The following CADM2 variants were observed in gnomAD, a reference collection of about 807,000 sequenced individuals.
CADM2 encodes immunoglobulin superfamily member 4D.
Under a neutral mutation model 49.8 loss-of-function variants are expected in CADM2, and 12 were observed. The observed-to-expected ratio is 0.24, with a 90% CI of 0.15 to 0.39. The LOEUF (loss-of-function observed/expected upper bound fraction) is 0.39, where lower values mean the gene tolerates loss of function less well. Ranked by LOEUF, CADM2 falls within the 10% of genes least tolerant of loss-of-function variation. The probability of loss-of-function intolerance (pLI) is 1.00; values close to 1 mark genes in which losing one functional copy is unlikely to be tolerated. For synonymous variants in CADM2, 214 were observed against 175.4 expected, an observed-to-expected ratio of 1.22 and a Z score of -1.74; for missense variants, 378 against 492.3, an observed-to-expected ratio of 0.77 and a Z score of 2.20.
intron 1 of CADM2, among the ~76,000 whole-genome samples, chr3:85,461,664 T>C (rs1335495172): frequency 1.4e-5 from 2 of 146,220 alleles, no homozygotes; most frequent in Non-Finnish European, 3.1e-5. Flanking sequence ...GGCTTTATGA[T>C]AACCTTTCAT....
chr3:85,269,687 T>C (rs528095928), intron 1 of CADM2, among the ~76,000 whole-genome samples: 2 of 151,394 alleles, frequency 1.3e-5, no homozygotes, highest in African/African-American at 4.8e-5. Flanking sequence ...CACTATGTTC[T>C]ATGTGACAGA....
At chr3:85,537,193 T>G (rs2107004229) in intron 1 of CADM2, among the ~76,000 whole-genome samples, 1 of 152,256 alleles carries the variant, frequency 6.6e-6, no homozygotes, top group South Asian at 2.1e-4. Context: ...GCATGTGTTT[T>G]AACTTAAGCA....
intron 1 of CADM2, among the ~76,000 whole-genome samples, chr3:85,582,054 T>C (rs2062815474): frequency 6.6e-6 from 1 of 152,020 alleles, no homozygotes; most frequent in African/African-American, 2.4e-5. Flanking sequence ...AGTCACCCAA[T>C]AGCTGGTACT....
chr3:85,961,124 G>A (rs1411068608), intron 7 of CADM2, among the ~76,000 whole-genome samples: 2 of 149,600 alleles, frequency 1.3e-5, no homozygotes, highest in African/African-American at 4.9e-5. Context: ...AGGAAGATTT[G>A]CCCCAATAGC....
chr3:85,530,365 C>G (rs1214257538), intron 1 of CADM2, among the ~76,000 whole-genome samples: 2 of 132,836 alleles, frequency 1.5e-5, no homozygotes, highest in East Asian at 4.3e-4. Context: ...GAGTCTCACT[C>G]TGTCGCCCAG....
intron 1 of CADM2, among the ~76,000 whole-genome samples, chr3:85,335,564 T>C (rs900036364): frequency 2.0e-5 from 3 of 151,610 alleles, no homozygotes; most frequent in African/African-American, 7.2e-5. Flanking sequence ...CACTTTTTTT[T>C]TTGTTGAGGA....
intron 2 of CADM2, among the ~76,000 whole-genome samples, chr3:85,773,744 G>C (rs1484313123): frequency 6.6e-6 from 1 of 151,890 alleles, no homozygotes; most frequent in Non-Finnish European, 1.5e-5. Flanking sequence ...TTTAAGTTCC[G>C]TGAGTGCTGG....
chr3:85,468,780 A>C (rs1435857230), intron 1 of CADM2, among the ~76,000 whole-genome samples: 1 of 152,138 alleles, frequency 6.6e-6, no homozygotes, highest in African/African-American at 2.4e-5. Flanking sequence ...AGAGTAAGGA[A>C]GTAATTCTGG....
chr3:85,146,770 T>G (rs1380483791), intron 1 of CADM2, among the ~76,000 whole-genome samples: 1 of 152,188 alleles, frequency 6.6e-6, no homozygotes, highest in Non-Finnish European at 1.5e-5. Flanking sequence ...AATAAGTGAA[T>G]TTAATGCATT....
chr3:85,714,689 C>G (rs2067228125), intron 1 of CADM2, among the ~76,000 whole-genome samples: 1 of 152,124 alleles, frequency 6.6e-6, no homozygotes, highest in East Asian at 1.9e-4. Flanking sequence ...CTCAGCCTCC[C>G]AAAGTGCTGG....
chr3:85,471,462 G>C (rs2038760523), intron 1 of CADM2, among the ~76,000 whole-genome samples: 2 of 152,094 alleles, frequency 1.3e-5, no homozygotes, highest in South Asian at 4.1e-4. Flanking sequence ...TGAAAAGACA[G>C]AGAAAACCAA....
chr3:85,785,080 A>T (rs1040499663), intron 2 of CADM2, among the ~76,000 whole-genome samples: 1 of 152,086 alleles, frequency 6.6e-6, no homozygotes, highest in Non-Finnish European at 1.5e-5. Flanking sequence ...TATAGTTAAC[A>T]TAATAAACTC....
chr3:85,233,774 T>C (rs1448265425), intron 1 of CADM2, among the ~76,000 whole-genome samples: 1 of 152,136 alleles, frequency 6.6e-6, no homozygotes, highest in Non-Finnish European at 1.5e-5. Context: ...CAGATTATAA[T>C]GTTAATCCTG....
intron 1 of CADM2, among the ~76,000 whole-genome samples, chr3:85,598,427 A>G (rs1359553917): frequency 2.6e-5 from 4 of 151,944 alleles, no homozygotes; most frequent in Non-Finnish European, 1.5e-5. Context: ...AATTTTTTAG[A>G]TATCATTTAT....
chr3:85,670,256 A>G (rs182636014), intron 1 of CADM2, among the ~76,000 whole-genome samples: 3 of 152,322 alleles, frequency 2.0e-5, no homozygotes, highest in Admixed American at 2.0e-4. Context: ...GCTATAATTA[A>G]AAATGAAGCT....
intron 2 of CADM2, among the ~76,000 whole-genome samples, chr3:85,769,406 T>C (rs1446329091): frequency 5.6e-5 from 6 of 106,782 alleles, no homozygotes; most frequent in Admixed American, 2.6e-4. Context: ...AGTATATATA[T>C]ACACGTATAT....
intron 5 of CADM2, among the ~76,000 whole-genome samples, chr3:85,892,441 G>A (rs762135451): frequency 3.9e-5 from 6 of 152,094 alleles, no homozygotes; most frequent in South Asian, 4.1e-4. Context: ...CACAATCCCC[G>A]TATGTCATGG....
chr3:85,384,138 CT>C (rs1354630402), intron 1 of CADM2, among the ~76,000 whole-genome samples: 1 of 152,074 alleles, frequency 6.6e-6, no homozygotes, highest in Non-Finnish European at 1.5e-5. Flanking sequence ...CTTGCATATT[CT>C]TGTTATGGTA....
At chr3:85,948,864 C>T (rs1016611689) in intron 7 of CADM2, among the ~76,000 whole-genome samples, 1 of 151,368 alleles carries the variant, frequency 6.6e-6, no homozygotes, top group African/African-American at 2.4e-5. Context: ...TCTTGCAAAT[C>T]CAGAGTACCA....
Sources: allele counts gnomAD v4.1 joint callset (sites outside exome capture counted in the v4.1 genomes callset), GRCh38; gene constraint gnomAD v4.1.1; transcripts MANE v1.5; gene names NCBI Gene and HGNC (gene_info 2026-07-23, HGNC 2026-07-21).